Variants in ERBB4 observed in about 807,000 individuals in gnomAD.
The protein encoded by ERBB4 is erb-b2 receptor tyrosine kinase 4, also known as receptor tyrosine-protein kinase erbB-4.
ERBB4 carries 42 observed loss-of-function variants against 158.0 expected under a neutral mutation model. The ratio of observed to expected loss-of-function variants is 0.27; its 90% CI spans 0.21 to 0.34. The LOEUF (loss-of-function observed/expected upper bound fraction) is 0.34. ERBB4 is among the 10% of genes least tolerant of loss of function. The pLI, the probability that ERBB4 is intolerant of heterozygous loss-of-function variation, is 1.00. For missense variants in ERBB4, 1,333 were observed against 1,624.1 expected (o/e 0.82, Z 3.08); for synonymous variants, 583 against 558.7 (o/e 1.04, Z -0.61).
chr2:212,059,487 C>G (rs1337277734), intron 2 of ERBB4, among the ~76,000 whole-genome samples: 1 of 152,198 alleles, frequency 6.6e-6, no homozygotes, highest in Non-Finnish European at 1.5e-5. Flanking sequence ...ATTGCCAAGA[C>G]AATTCTAAGC....
intron 2 of ERBB4, among the ~76,000 whole-genome samples, chr2:211,977,299 T>C (rs2125219884): frequency 6.6e-6 from 1 of 152,214 alleles, no homozygotes; most frequent in Middle Eastern, 3.4e-3. Flanking sequence ...ATGTCCCTTT[T>C]TGGCTTGAAA....
chr2:212,217,574 T>C lies in ERBB4; in HGVS notation c.83-92671A>G, dbSNP rs952799313. Among the ~76,000 whole-genome samples, 3 of 151,220 alleles carry C rather than the reference T, an allele frequency of 2.0e-5. No homozygotes were observed. The Admixed American group carries it at 2.0e-4, about 10-fold the overall frequency. The stretch of plus-strand genomic sequence containing the variant: ...AGGGTAAGGCTAGGCAGACAACATA[T>C]GTTTGAGTACCAGTTTCCAAAGGAA... On this transcript the variant is annotated intron_variant, in intron 1 of 27. Transcript: ENST00000342788.
intron 2 of ERBB4, among the ~76,000 whole-genome samples, chr2:212,074,328 A>T (rs377063944): frequency 1.1e-4 from 17 of 152,148 alleles, no homozygotes; most frequent in Middle Eastern, 6.8e-3. Flanking sequence ...AGGAATCACT[A>T]AACATAAAAT....
At chr2:211,535,806 C>A (rs1240913670) in intron 20 of ERBB4, 1 of 152,000 alleles carries the variant, frequency 6.6e-6, no homozygotes, top group Non-Finnish European at 1.5e-5. Context: ...AGTAAAAGTT[C>A]AGAAGTACTA....
chr2:211,512,584 C>A (rs527813077), intron 20 of ERBB4, among the ~76,000 whole-genome samples: 2 of 151,822 alleles, frequency 1.3e-5, no homozygotes, highest in Non-Finnish European at 2.9e-5. Context: ...TATCTTTGAA[C>A]ATACACAAAT....
chr2:211,965,650 A>AAAAAT (rs904748486), intron 2 of ERBB4, among the ~76,000 whole-genome samples: 92 of 152,310 alleles, frequency 6.0e-4, no homozygotes, highest in Middle Eastern at 3.4e-3. Context: ...AGGAAACTAG[A>AAAAAT]AAAATAAAAT....
chr2:211,704,288 T>C (rs2073356900), intron 10 of ERBB4, 94 bp from the exon 11 acceptor site: 1 of 841,700 alleles, frequency 1.2e-6, no homozygotes, highest in Non-Finnish European at 2.1e-6. Flanking sequence ...GTGTTGAAAG[T>C]TGGGAAGTGA....
chr2:211,806,094 A>T (rs2105902101), intron 3 of ERBB4, among the ~76,000 whole-genome samples: 1 of 152,262 alleles, frequency 6.6e-6, no homozygotes, highest in East Asian at 1.9e-4. Flanking sequence ...TAATCGAGCC[A>T]AATAATTTCC....
At chr2:212,528,964 T>C (rs1434075277) in intron 1 of ERBB4, among the ~76,000 whole-genome samples, 2 of 152,180 alleles carry the variant, frequency 1.3e-5, no homozygotes, top group African/African-American at 2.4e-5. Flanking sequence ...TATCTAGGAA[T>C]AGAAAATGCC....
chr2:211,534,873 C>G (rs1234773606), intron 20 of ERBB4, among the ~76,000 whole-genome samples: 1 of 152,074 alleles, frequency 6.6e-6, no homozygotes, highest in Non-Finnish European at 1.5e-5. Context: ...GGTTTGAACG[C>G]TGGCAGGACA....
At chr2:212,120,266 C>A (rs2079707132) in intron 2 of ERBB4, among the ~76,000 whole-genome samples, 2 of 152,126 alleles carry the variant, frequency 1.3e-5, no homozygotes, top group Non-Finnish European at 2.9e-5. Context: ...TAGTCAAGAA[C>A]CTAATAGAGA....
At chr2:211,709,250 T>TACAC (rs72438406) in intron 9 of ERBB4, among the ~76,000 whole-genome samples, 18,754 of 124,092 alleles carry the variant, frequency 0.15, 1,461 homozygotes, top group South Asian at 0.25. Context: ...TATATATATA[T>TACAC]ACACATATAT....
intron 1 of ERBB4, among the ~76,000 whole-genome samples, chr2:212,458,927 A>C (rs1161323465): frequency 2.0e-5 from 3 of 152,204 alleles, no homozygotes; most frequent in Non-Finnish European, 4.4e-5. Flanking sequence ...GCACAGGCAT[A>C]TTATAGGCAT....
At chr2:211,697,775 G>A (rs10195194) in intron 12 of ERBB4, among the ~76,000 whole-genome samples, 25,524 of 152,104 alleles carry the variant, frequency 0.17, 2,298 homozygotes, top group Middle Eastern at 0.21. Flanking sequence ...ACAGTGTTTG[G>A]AACAAGGTTA....
intron 5 of ERBB4, among the ~76,000 whole-genome samples, chr2:211,725,628 A>C (rs1278529362): frequency 6.6e-6 from 1 of 152,138 alleles, no homozygotes; most frequent in African/African-American, 2.4e-5. Flanking sequence ...CTCTAAAATT[A>C]AAAACAAAGG....
chr2:212,222,942 G>A (rs1182422189), intron 1 of ERBB4, among the ~76,000 whole-genome samples: 2 of 151,402 alleles, frequency 1.3e-5, no homozygotes, highest in African/African-American at 4.8e-5. Flanking sequence ...ATTCCTGTTA[G>A]TGTCTTTAAA....
At chr2:212,435,770 T>G (rs954017314) in intron 1 of ERBB4, among the ~76,000 whole-genome samples, 1 of 151,954 alleles carries the variant, frequency 6.6e-6, no homozygotes, top group Non-Finnish European at 1.5e-5. Flanking sequence ...GTCTTAAAAT[T>G]ATACATGGCT....
chr2:211,818,783 C>T (rs897991718), intron 3 of ERBB4, among the ~76,000 whole-genome samples: 2 of 151,882 alleles, frequency 1.3e-5, no homozygotes, highest in Admixed American at 1.3e-4. Flanking sequence ...ACAATGAAGA[C>T]AGATTCTGTG....
chr2:212,237,187 G>A (rs1439071203), intron 1 of ERBB4, among the ~76,000 whole-genome samples: 5 of 152,114 alleles, frequency 3.3e-5, no homozygotes, highest in South Asian at 2.1e-4. Flanking sequence ...GCCTTTCTGC[G>A]CTAGTTTTTC....
Sources: gnomAD v4.1 joint callset for allele counts (sites outside exome capture counted in the v4.1 genomes callset) on GRCh38, gnomAD v4.1.1 for gene constraint, MANE v1.5 for transcripts, NCBI Gene and HGNC (gene_info 2026-07-23, HGNC 2026-07-21) for gene names.